C1orf105: variants seen among roughly 807,000 people sequenced by gnomAD.
C1orf105 encodes the protein uncharacterized protein C1orf105.
Under a neutral mutation model 20.8 loss-of-function variants are expected in C1orf105, and 17 were observed. The observed-to-expected ratio is 0.82, with a 90% confidence interval of 0.56 to 1.23. The LOEUF is 1.23. Ranked by LOEUF, C1orf105 falls within the 50% of genes most tolerant of loss-of-function variation. The pLI is 0.00. For synonymous variants in C1orf105, 72 were observed against 72.1 expected (o/e 1.00, Z 0.01); for missense variants, 219 against 213.5 (o/e 1.03, Z -0.16).
intron 1 of C1orf105, chr1:172,444,249 C>T: frequency 1.0e-6 from 1 of 985,424 alleles, no homozygotes; most frequent in Non-Finnish European, 1.2e-6. Context: ...CCAGCAATCC[C>T]CTATTGAAAG....
At chr1:172,458,880 A>T (rs866670963) in intron 4 of C1orf105, among the ~76,000 whole-genome samples, 2 of 152,222 alleles carry the variant, frequency 1.3e-5, no homozygotes, top group African/African-American at 4.8e-5. Flanking sequence ...AAAGTTCAGA[A>T]GTAAATTCTT....
At chr1:172,428,753 A>T (rs1368302400) in intron 1 of C1orf105, 1 of 678,168 alleles carries the variant, frequency 1.5e-6, no homozygotes, top group Non-Finnish European at 2.7e-6. Context: ...CTATAATGTC[A>T]GCTCTACTAG....
intron 6 of C1orf105, among the ~76,000 whole-genome samples, chr1:172,465,958 C>T (rs567241691): frequency 6.6e-6 from 1 of 152,344 alleles, no homozygotes; most frequent in Non-Finnish European, 1.5e-5. Context: ...TAATATAATT[C>T]AAGGGCTTAC....
chr1:172,454,117 G>A (rs72725271), intron 3 of C1orf105, among the ~76,000 whole-genome samples: 6,015 of 152,112 alleles, frequency 0.04, 121 homozygotes, highest in Middle Eastern at 0.058. Flanking sequence ...CCAGAAGTCT[G>A]GAAAAAGGTG....
intron 4 of C1orf105, among the ~76,000 whole-genome samples, chr1:172,460,246 A>G (rs555575946): frequency 6.6e-6 from 1 of 152,324 alleles, no homozygotes; most frequent in South Asian, 2.1e-4. Context: ...AAAGCACAAA[A>G]TAGATGAATC....
chr1:172,440,280 G>A (rs1158524), intron 1 of C1orf105, among the ~76,000 whole-genome samples: 1 of 152,178 alleles, frequency 6.6e-6, no homozygotes, highest in African/African-American at 2.4e-5. Flanking sequence ...GCTATCTTGG[G>A]AGGTGCCTGC....
intron 1 of C1orf105, among the ~76,000 whole-genome samples, chr1:172,434,970 T>C (rs1240226834): frequency 6.6e-6 from 1 of 152,108 alleles, no homozygotes; most frequent in Non-Finnish European, 1.5e-5. Flanking sequence ...TATAAACACC[T>C]CTATGCAAAT....
chr1:172,454,341 C>T (rs1216942678), intron 3 of C1orf105, among the ~76,000 whole-genome samples: 1 of 151,376 alleles, frequency 6.6e-6, no homozygotes, highest in African/African-American at 2.4e-5. Flanking sequence ...TGTATGATAT[C>T]TAGTGTGTCC....
Position 172,466,600 on chromosome 1 carries a change from AC to A in C1orf105, c.406+1238del, listed in dbSNP as rs1380160980. On this transcript the variant is annotated intron_variant, in intron 6 of 6. Transcript: ENST00000367727. ...CACACACACACACACACACACACAC[AC>A]ACACACACACACACAATCACACACA... is the stretch of plus-strand genomic sequence containing the variant. Among the ~76,000 whole-genome samples the A allele has an allele frequency of 1.9e-3, 268 of 141,768 alleles. 2 individuals are homozygous for A. Among genetic ancestry groups the A allele is most frequent in the African/African-American group, 6.9e-3 (264 of 38,294 alleles). 93.0% of individuals were successfully genotyped at this position (141,768 alleles called of 152,430 possible).
rs1573868710 is a variant in C1orf105 at position 172,448,382 on chromosome 1, G to T, written c.108-59G>T. 6 of 1,162,020 alleles carry T rather than the reference G, an allele frequency of 5.2e-6. No individual in the cohort carries two copies. The East Asian group carries it at 1.4e-4, about 27-fold the overall frequency. 72.0% of individuals were successfully genotyped at this position (1,162,020 alleles called of 1,614,324 possible). A position where few individuals can be genotyped will look rare whatever the true frequency, so the allele number is the denominator to read the frequency against. On this transcript the variant is annotated intron_variant, in intron 2 of 6. Coordinates refer to ENST00000367727, the MANE Select transcript of C1orf105 (RefSeq NM_139240.4). The stretch of plus-strand genomic sequence containing the variant: ...TTGTATTCTCTCAGAAACAACCAAG[G>T]GCCTGGCTCTTCAAACATGGGACTG...
At chr1:172,467,078 G>A (rs1186194215) in intron 6 of C1orf105, among the ~76,000 whole-genome samples, 3 of 152,174 alleles carry the variant, frequency 2.0e-5, no homozygotes, top group Non-Finnish European at 4.4e-5. Context: ...CCCACTGAAA[G>A]CTAGACCTTC....
At chr1:172,466,272 T>G (rs1168175908) in intron 6 of C1orf105, among the ~76,000 whole-genome samples, 1 of 151,976 alleles carries the variant, frequency 6.6e-6, no homozygotes, top group Non-Finnish European at 1.5e-5. Context: ...TCGAGTGGAG[T>G]GAAAGTCTTC....
At chr1:172,448,116 G>C (rs1313971357) in intron 2 of C1orf105, among the ~76,000 whole-genome samples, 1 of 152,230 alleles carries the variant, frequency 6.6e-6, no homozygotes, top group East Asian at 1.9e-4. Flanking sequence ...TCAAAAACTT[G>C]AGTGCAGACC....
chr1:172,449,618 C>T (rs1260477634), intron 3 of C1orf105, among the ~76,000 whole-genome samples: 1 of 152,056 alleles, frequency 6.6e-6, no homozygotes, highest in Non-Finnish European at 1.5e-5. Flanking sequence ...GCGGCTGGGC[C>T]CAGCTAATGC....
At chr1:172,444,034 C>T (rs1295798147) in intron 1 of C1orf105, 1 of 999,942 alleles carries the variant, frequency 1.0e-6, no homozygotes, top group African/African-American at 1.7e-5. Context: ...GGCACCCAGC[C>T]TTTTTCCCGC....
At chr1:172,445,768 G>A in intron 2 of C1orf105, among the ~76,000 whole-genome samples, 1 of 152,148 alleles carries the variant, frequency 6.6e-6, no homozygotes, top group African/African-American at 2.4e-5. Flanking sequence ...TCTGGGAAGG[G>A]GACATGGACA....
At chr1:172,447,775 A>G (rs1050582915) in intron 2 of C1orf105, among the ~76,000 whole-genome samples, 2 of 152,202 alleles carry the variant, frequency 1.3e-5, no homozygotes, top group African/African-American at 4.8e-5. Flanking sequence ...CTGAGTTTCT[A>G]TTTCTTGGAT....
intron 2 of C1orf105, 34 bp from the exon 3 acceptor site, chr1:172,448,407 G>A: frequency 7.0e-7 from 1 of 1,419,238 alleles, no homozygotes; most frequent in South Asian, 1.2e-5. Flanking sequence ...ACATGGGACT[G>A]CGGTTCTAAC....
Position 172,442,039 on chromosome 1 carries a change from C to T in C1orf105, c.22-3034C>T, listed in dbSNP as rs779776538. The T allele has an allele frequency of 6.8e-6, 11 of 1,613,954 alleles. No individual in the cohort carries two copies. In the Admixed American group the frequency reaches 1.3e-4, roughly 20 times the overall value. ...CACCATGATGAAGGCATGCAGGGACCGGGGAAGACGTGATGCCAAGCATAC... is the reference window on the plus strand; with the variant it reads ...CACCATGATGAAGGCATGCAGGGACTGGGGAAGACGTGATGCCAAGCATAC... On this transcript the variant is annotated intron_variant, in intron 1 of 6. Coordinates refer to ENST00000367727, the MANE Select transcript of C1orf105 (RefSeq NM_139240.4).
Sources: gnomAD v4.1 joint callset for allele counts (sites outside exome capture counted in the v4.1 genomes callset) on GRCh38, gnomAD v4.1.1 for gene constraint, MANE v1.5 for transcripts, NCBI Gene and HGNC (gene_info 2026-07-23, HGNC 2026-07-21) for gene names.